TDRD12: variants seen among roughly 807,000 people sequenced by gnomAD.
The protein encoded by TDRD12 is putative ATP-dependent RNA helicase TDRD12.
Under a neutral mutation model 133.5 loss-of-function variants are expected in TDRD12, and 158 were observed. The ratio of observed to expected loss-of-function variants is 1.18; its 90% CI spans 1.04 to 1.35. TDRD12 has a LOEUF of 1.35. TDRD12 is among the 40% of genes most tolerant of loss of function. The pLI is 0.00. For missense variants in TDRD12, 1,443 were observed against 1,321.3 expected (o/e 1.09, Z -1.43); for synonymous variants, 460 against 477.9 (o/e 0.96, Z 0.49).
At chr19:32,811,476 A>G in intron 24 of TDRD12, 56 bp downstream of exon 24, 1 of 1,439,330 alleles carries the variant, frequency 6.9e-7, no homozygotes, top group Non-Finnish European at 9.4e-7. Flanking sequence ...TTTAACCGAG[A>G]ATATACACAG....
intron 11 of TDRD12, among the ~76,000 whole-genome samples, chr19:32,789,022 C>T (rs1970990808): frequency 6.6e-6 from 1 of 152,200 alleles, no homozygotes; most frequent in Non-Finnish European, 1.5e-5. Flanking sequence ...GAGAGTTCTG[C>T]TTTATCCTCT....
At chr19:32,774,339 C>T (rs1353587973) in intron 10 of TDRD12, among the ~76,000 whole-genome samples, 1 of 152,134 alleles carries the variant, frequency 6.6e-6, no homozygotes, top group Admixed American at 6.5e-5. Flanking sequence ...TGTGTGGTTG[C>T]ATTGGTGTTC....
Position 32,780,355 on chromosome 19 carries a change from G to A in TDRD12, c.1121+3126G>A, listed in dbSNP as rs188650403. Among the ~76,000 whole-genome samples the A allele has an allele frequency of 7.7e-3, 1,167 of 152,268 alleles. 7 individuals are homozygous for A. The highest frequency in any genetic ancestry group is 0.022 in the Admixed American group (335 of 15,294). ...CCTGCCATTAGCTTCCCAAAGTGCT[G>A]GGATTACAGGCATGAGCCACTGCAC... is the stretch of plus-strand genomic sequence containing the variant. On this transcript the variant is annotated intron_variant, in intron 11 of 27. Transcript: ENST00000444215.
chr19:32,794,686 C>T (rs527766540), exon 14 of TDRD12: 63 of 703,038 alleles, frequency 9.0e-5, no homozygotes, highest in South Asian at 8.9e-4. Flanking sequence ...TCTTGGCCTC[C>T]CATAGCGCGT....
chr19:32,810,276 A>T, exon 23 of TDRD12: 1 of 1,513,124 alleles, frequency 6.6e-7, no homozygotes, highest in East Asian at 2.5e-5. Context: ...GCTTTTTCAC[A>T]GGTAACACAT....
chr19:32,749,208 T>C (rs753745560), intron 5 of TDRD12, among the ~76,000 whole-genome samples: 35 of 152,042 alleles, frequency 2.3e-4, no homozygotes, highest in Non-Finnish European at 4.7e-4. Flanking sequence ...GACTGGAGTT[T>C]TGGCCCCTGT....
chr19:32,790,654 C>A (rs904839067), intron 12 of TDRD12, 63 bp downstream of exon 12: 43 of 1,551,466 alleles, frequency 2.8e-5, no homozygotes, highest in Non-Finnish European at 3.6e-5. Flanking sequence ...TCTTTAAATC[C>A]TTCTCCTTCC....
intron 11 of TDRD12, among the ~76,000 whole-genome samples, chr19:32,777,840 TATATATATATATATA>T (rs1970640005): frequency 1.3e-4 from 2 of 15,384 alleles, no homozygotes; most frequent in Admixed American, 8.4e-4. Context: ...TATATATATA[TATATATATATATATA>T]TATTTTTTTT....
chr19:32,742,891 C>T (rs1338197076), exon 4 of TDRD12: 4 of 1,551,420 alleles, frequency 2.6e-6, no homozygotes, highest in Non-Finnish European at 3.5e-6. Flanking sequence ...CGAGACAGTA[C>T]TGACATTGTG....
chr19:32,817,947 C>T (rs1192495998), intron 26 of TDRD12, 142 bp from the exon 27 acceptor site: 2 of 658,988 alleles, frequency 3.0e-6, no homozygotes, highest in African/African-American at 3.8e-5. Context: ...GGCCTGGTAG[C>T]TTTAGAAGCA....
intron 9 of TDRD12, 56 bp from the exon 33 acceptor site, chr19:32,827,108 A>G (rs1327259440): frequency 3.1e-6 from 3 of 983,108 alleles, no homozygotes; most frequent in Non-Finnish European, 3.9e-6. Context: ...AATGGGGGGA[A>G]ATAAAGATTT....
At chr19:32,794,942 C>G in intron 14 of TDRD12, 129 bp downstream of exon 14, 1 of 611,744 alleles carries the variant, frequency 1.6e-6, no homozygotes, top group Non-Finnish European at 2.9e-6. Context: ...CAGAAACTGT[C>G]CTGTGGGAAA....
intron 23 of TDRD12, 35 bp from the exon 24 acceptor site, chr19:32,811,175 T>C: frequency 1.4e-6 from 2 of 1,462,206 alleles, no homozygotes. Context: ...CTTTCTGGAA[T>C]CTCTGCGTTG....
In TDRD12 at chr19:32,810,315, G is replaced by A. The variant is rs567554878; in HGVS notation, c.2837+38G>A. On this transcript the variant is annotated intron_variant, in intron 23 of 27. Transcript: ENST00000444215. ...TTTACTTCATCTGTAAAGTTTTGAA[G>A]CATGAGGTAACTAAGTGGTGTTGAG... 2.8e-6 allele frequency: 4 copies of A among 1,444,870 alleles called. No individual in the cohort carries two copies. The South Asian group carries it at 5.8e-5, about 21-fold the overall frequency. 89.5% of individuals were successfully genotyped at this position (1,444,870 alleles called of 1,614,324 possible).
downstream of TDRD12, chr19:32,824,025 T>C (rs1238521885): frequency 1.3e-5 from 2 of 152,326 alleles, no homozygotes; most frequent in South Asian, 2.1e-4. Context: ...CTATTAGATG[T>C]CCACTGCAGC....
intron 16 of TDRD12, among the ~76,000 whole-genome samples, chr19:32,799,921 A>T (rs1402562115): frequency 2.0e-5 from 3 of 151,716 alleles, no homozygotes; most frequent in Non-Finnish European, 4.4e-5. Context: ...TCTTTAGTAG[A>T]GATGGGGTTT....
At chr19:32,742,970 G>A in intron 4 of TDRD12, 70 bp downstream of exon 4, 1 of 1,529,930 alleles carries the variant, frequency 6.5e-7, no homozygotes. Context: ...ATCTTTGTAT[G>A]AAGTCAGTTC....
chr19:32,792,011 C>T (rs954407815), intron 13 of TDRD12, among the ~76,000 whole-genome samples: 1 of 151,188 alleles, frequency 6.6e-6, no homozygotes, highest in Non-Finnish European at 1.5e-5. Context: ...ACTGGGAGGC[C>T]GAGGCAGGCA....
chr19:32,722,610 G>A lies in TDRD12; in HGVS notation c.24+2514G>A, dbSNP rs982839694. Among the ~76,000 whole-genome samples the A allele has an allele frequency of 7.2e-5, 11 of 152,004 alleles. No individual in the cohort carries two copies. In the South Asian group the frequency reaches 2.3e-3, roughly 32 times the overall value. Reference sequence around the variant, plus strand: ...ATATTATTTAGCCTTAAATATCTGAGAAATCTTTGTCTGACTCACAGTCAC... The same window carrying A: ...ATATTATTTAGCCTTAAATATCTGAAAAATCTTTGTCTGACTCACAGTCAC... On this transcript the variant is annotated intron_variant, in intron 1 of 27. Transcript: ENST00000444215.
Sources: gnomAD v4.1 joint callset for allele counts (sites outside exome capture counted in the v4.1 genomes callset) on GRCh38, gnomAD v4.1.1 for gene constraint, MANE v1.5 for transcripts, NCBI Gene and HGNC (gene_info 2026-07-23, HGNC 2026-07-21) for gene names.